The following COG3 variants were observed in gnomAD, a reference collection of about 807,000 sequenced individuals.
COG3 encodes the protein component of oligomeric golgi complex 3.
In COG3, 32 loss-of-function variants were observed where a neutral mutation model predicts 114.1. That is an observed-to-expected ratio of 0.28 (90% confidence interval 0.21 to 0.38). The LOEUF (loss-of-function observed/expected upper bound fraction) is 0.38. Among genes scored for constraint, COG3 ranks in the 10% least tolerant of loss-of-function variants. COG3 has a pLI of 1.00. For synonymous variants in COG3, 352 were observed against 365.7 expected, an observed-to-expected ratio of 0.96 and a Z score of 0.43; for missense variants, 813 against 973.2, an observed-to-expected ratio of 0.84 and a Z score of 2.19.
chr13:45,465,444 G>T, intron 1 of COG3: 1 of 615,298 alleles, frequency 1.6e-6, no homozygotes, highest in Non-Finnish European at 2.6e-6. Context: ...CCTGCAGCTG[G>T]TGCTCGCCGG....
At chr13:45,526,153 A>T (rs1472499375) in intron 20 of COG3, among the ~76,000 whole-genome samples, 2 of 112,802 alleles carry the variant, frequency 1.8e-5, no homozygotes, top group African/African-American at 6.9e-5. Flanking sequence ...CAGTGGCGTG[A>T]TCTCGGCTCA....
intron 20 of COG3, among the ~76,000 whole-genome samples, chr13:45,527,815 G>C (rs892050691): frequency 2.6e-5 from 4 of 152,196 alleles, no homozygotes; most frequent in Non-Finnish European, 5.9e-5. Context: ...GCCCATGGAA[G>C]TAAGGGTCTT....
chr13:45,533,181 G>A (rs952877943), intron 22 of COG3, among the ~76,000 whole-genome samples: 2 of 151,574 alleles, frequency 1.3e-5, no homozygotes, highest in Admixed American at 1.3e-4. Context: ...TGAGTTTAGT[G>A]GATATGAATC....
chr13:45,535,006 C>T lies in COG3; in HGVS notation c.*275C>T. Reference sequence around the variant, plus strand: ...AAGAAATGTGAAGAGAGAGCTAGGGCAGACATGCAGTGAAATGGTTCTTTG... The same window carrying T: ...AAGAAATGTGAAGAGAGAGCTAGGGTAGACATGCAGTGAAATGGTTCTTTG... On this transcript the variant is annotated 3_prime_UTR_variant, in exon 23 of 23. Transcript: ENST00000349995. 3.3e-6 allele frequency: 4 copies of T among 1,197,812 alleles called. No homozygotes were observed. The highest frequency in any genetic ancestry group is 4.1e-6 in the Non-Finnish European group (4 of 967,418). 74.2% of individuals were successfully genotyped at this position (1,197,812 alleles called of 1,614,324 possible). A position where few individuals can be genotyped will look rare whatever the true frequency, so the allele number is the denominator to read the frequency against.
chr13:45,535,075 G>T lies in COG3; in HGVS notation c.*344G>T, dbSNP rs1347820437. On this transcript the variant is annotated 3_prime_UTR_variant, in exon 23 of 23. Transcript: ENST00000349995. ...AATAGATTACAATAAGTAGTGCAAA[G>T]AACTTTACAGAAATCAAGCGAATTA... The T allele has an allele frequency of 1.9e-6, 2 of 1,058,744 alleles. No homozygotes were observed. The highest frequency in any genetic ancestry group is 3.3e-5 in the African/African-American group (2 of 59,962). The allele number at this position is 1,058,744 out of a possible 1,614,324, so 65.6% of individuals were successfully genotyped here.
At chr13:45,465,354 G>A (rs936295486) in intron 1 of COG3, 144 bp downstream of exon 1, 6 of 1,325,104 alleles carry the variant, frequency 4.5e-6, no homozygotes, top group East Asian at 2.7e-5. Flanking sequence ...GGTGGGAGGG[G>A]CCTCATCTCC....
chr13:45,523,449 G>A (rs1006728183), intron 19 of COG3, among the ~76,000 whole-genome samples: 1 of 152,106 alleles, frequency 6.6e-6, no homozygotes, highest in Non-Finnish European at 1.5e-5. Context: ...ATTGTGAGAC[G>A]ATGGGTCTTT....
chr13:45,504,193 A>G (rs752909417), intron 14 of COG3, among the ~76,000 whole-genome samples: 4 of 152,206 alleles, frequency 2.6e-5, no homozygotes, highest in Non-Finnish European at 5.9e-5. Context: ...CCCCAGGTGA[A>G]GGGCATCATC....
Position 45,476,222 on chromosome 13 carries a change from A to T in COG3, c.196A>T (p.Ser66Cys), listed in dbSNP as rs1000819946. 5 of 1,613,856 alleles carry T rather than the reference A, an allele frequency of 3.1e-6. No homozygotes were observed. The African/African-American group carries it at 5.3e-5, about 17-fold the overall frequency. ...CAAGCTTCCAATTGAAGACTTGTGC[A>T]GTTTAACATCCCAGTCACTGCCCAT... The part of the protein sequence containing the change: ...PAELPIEDLC[S>C]LTSQSLPIEL... The change falls in exon 2 of 23, where the codon AGT (serine) becomes TGT (cysteine). Residue 66 changes from serine (S) to cysteine (C), a missense_variant. Ser to Cys is a moderately radical substitution (Grantham distance 112, BLOSUM62 -1). Transcript: ENST00000349995.
chr13:45,486,497 T>A lies in COG3; in HGVS notation c.846T>A (p.Asp282Glu), dbSNP rs61733771. ...QTLTSQLLKRDPSSVPNADNA... is the reference protein window; with the variant it reads ...QTLTSQLLKREPSSVPNADNA... ...TATCCTCCCCCATGTTTCTTTAGGA[T>A]CCTTCATCTGTACCTAATGCAGACA... Residue 282 changes from aspartate (D) to glutamate (E), a missense_variant and splice_region_variant, in exon 8 of 23, where the codon GAT becomes GAA. Around this residue, in one of 2 missense-constraint regions of COG3, gnomAD observed 424 missense variants for 430.6 expected, o/e 0.98. Coordinates refer to ENST00000349995, the MANE Select transcript of COG3 (RefSeq NM_031431.4). The A allele has an allele frequency of 7.3e-5, 117 of 1,593,304 alleles. No homozygotes were observed. The African/African-American group carries it at 1.5e-3, about 21-fold the overall frequency.
chr13:45,500,524 ATTTCT>A (rs1869410542), intron 13 of COG3, among the ~76,000 whole-genome samples: 1 of 152,122 alleles, frequency 6.6e-6, no homozygotes. Flanking sequence ...AAATGTCCTA[ATTTCT>A]TTTATTTTTA....
rs1277733001 is a variant in COG3 at position 45,513,493 on chromosome 13, T to A, written c.1809+1639T>A. ...ATAAATTATATATATAATATATACA[T>A]ATAAATTATATATATAATATATACA... On this transcript the variant is annotated intron_variant, in intron 16 of 22. Coordinates refer to ENST00000349995, the MANE Select transcript of COG3 (RefSeq NM_031431.4). Among the ~76,000 whole-genome samples, 12 of 26,016 alleles carry A rather than the reference T, an allele frequency of 4.6e-4. 4 individuals are homozygous for A. In the East Asian group the frequency reaches 0.011, roughly 23 times the overall value. 17.1% of individuals were successfully genotyped at this position (26,016 alleles called of 152,430 possible). A position where few individuals can be genotyped will look rare whatever the true frequency, so the allele number is the denominator to read the frequency against.
chr13:45,488,359 C>A (rs148341782), intron 8 of COG3, among the ~76,000 whole-genome samples: 2 of 152,104 alleles, frequency 1.3e-5, no homozygotes, highest in East Asian at 3.9e-4. Context: ...TTCAAAATAG[C>A]TAAGAGGGAA....
intron 10 of COG3, among the ~76,000 whole-genome samples, chr13:45,491,928 A>G (rs1887042439): frequency 6.6e-6 from 1 of 152,208 alleles, no homozygotes; most frequent in Admixed American, 6.5e-5. Flanking sequence ...CTAGAAAAGT[A>G]ATTTGTGTTT....
intron 1 of COG3, among the ~76,000 whole-genome samples, 183 bp from the exon 2 acceptor site, chr13:45,476,018 T>G (rs1885836763): frequency 6.6e-6 from 1 of 152,112 alleles, no homozygotes; most frequent in African/African-American, 2.4e-5. Flanking sequence ...TGTTTATATT[T>G]TGAGATGAGC....
intron 12 of COG3, among the ~76,000 whole-genome samples, chr13:45,494,281 C>T (rs76888824): frequency 0.056 from 8,317 of 149,650 alleles, 273 homozygotes; most frequent in East Asian, 0.1. Context: ...GCCGAGATTG[C>T]GCCATTACAC....
chr13:45,532,102 T>C (rs979134132), intron 22 of COG3: 1 of 152,208 alleles, frequency 6.6e-6, no homozygotes, highest in African/African-American at 2.4e-5. Flanking sequence ...TTAAATGGAA[T>C]CATACAATAT....
intron 1 of COG3, among the ~76,000 whole-genome samples, chr13:45,470,993 C>T (rs962863294): frequency 2.6e-5 from 4 of 152,176 alleles, no homozygotes; most frequent in Non-Finnish European, 4.4e-5. Flanking sequence ...TTTCAACTTC[C>T]GAAGGGTTTA....
At chr13:45,479,802 T>C (rs1886135473) in intron 3 of COG3, among the ~76,000 whole-genome samples, 1 of 152,208 alleles carries the variant, frequency 6.6e-6, no homozygotes. Flanking sequence ...GGATTGGCCT[T>C]ACTTGGTGCC....
Sources: gnomAD v4.1 joint callset for allele counts (sites outside exome capture counted in the v4.1 genomes callset) on GRCh38, gnomAD v4.1.1 for gene constraint, gnomAD v4.1.1 regional missense constraint, MANE v1.5 for transcripts, NCBI Gene and HGNC (gene_info 2026-07-23, HGNC 2026-07-21) for gene names.